Variants in ITPR1 observed in about 807,000 individuals in gnomAD.
ITPR1 encodes inositol 1,4,5-trisphosphate receptor type 1.
In ITPR1, 96 loss-of-function variants were observed where a neutral mutation model predicts 318.4. That is an observed-to-expected ratio of 0.30 (90% CI 0.26 to 0.36). ITPR1 has a LOEUF of 0.36. Among genes scored for constraint, ITPR1 ranks in the 10% least tolerant of loss-of-function variants. The pLI, the probability that ITPR1 is intolerant of heterozygous loss-of-function variation, is 1.00. For synonymous variants in ITPR1, 1,312 were observed against 1,289.9 expected, an observed-to-expected ratio of 1.02 and a Z score of -0.37; for missense variants, 2,440 against 3,460.2, an observed-to-expected ratio of 0.71 and a Z score of 7.40.
chr3:4,767,393 G>A (rs532759779), intron 45 of ITPR1, among the ~76,000 whole-genome samples: 10 of 152,370 alleles, frequency 6.6e-5, no homozygotes, highest in South Asian at 4.1e-4. Flanking sequence ...TCCCCTGGGC[G>A]GGGTTGGGGG....
intron 4 of ITPR1, among the ~76,000 whole-genome samples, chr3:4,576,506 C>T (rs1480141641): frequency 6.6e-6 from 1 of 152,074 alleles, no homozygotes; most frequent in East Asian, 1.9e-4. Flanking sequence ...TGGTGGAAGG[C>T]AAATGCTTGG....
intron 4 of ITPR1, among the ~76,000 whole-genome samples, chr3:4,626,840 A>T (rs1278639210): frequency 6.6e-6 from 1 of 152,168 alleles, no homozygotes; most frequent in Non-Finnish European, 1.5e-5. Context: ...TATTTTTGAG[A>T]CAGAATCTTG....
intron 29 of ITPR1, among the ~76,000 whole-genome samples, 157 bp from the exon 30 acceptor site, chr3:4,684,912 G>C (rs1343422087): frequency 6.6e-6 from 1 of 152,220 alleles, no homozygotes; most frequent in African/African-American, 2.4e-5. Context: ...GATTTGGCTT[G>C]ATGGAGTCAA....
chr3:4,735,675 T>C (rs2043216593), intron 44 of ITPR1: 1 of 292,478 alleles, frequency 3.4e-6, no homozygotes, highest in Non-Finnish European at 6.5e-6. Flanking sequence ...TTGCATGAAG[T>C]TTATTTACAG....
intron 2 of ITPR1, among the ~76,000 whole-genome samples, chr3:4,515,232 A>G (rs1057399763): frequency 2.0e-5 from 3 of 152,220 alleles, no homozygotes. Context: ...CTAAGGTGGT[A>G]GGTTGCTTCC....
intron 3 of ITPR1, 69 bp downstream of exon 3, chr3:4,516,652 AT>A: frequency 1.0e-6 from 1 of 957,312 alleles, no homozygotes; most frequent in African/African-American, 1.7e-5. Context: ...TAAAACTGTG[AT>A]TTTTCTAACA....
chr3:4,615,674 A>G (rs1216990321), intron 4 of ITPR1, among the ~76,000 whole-genome samples: 1 of 151,758 alleles, frequency 6.6e-6, no homozygotes. Context: ...ACTGAGCTTG[A>G]CCCCAACTGA....
intron 61 of ITPR1, among the ~76,000 whole-genome samples, chr3:4,843,068 T>C (rs2106554806): frequency 7.0e-6 from 1 of 142,726 alleles, no homozygotes; most frequent in African/African-American, 2.6e-5. Flanking sequence ...TTCAGGGTTT[T>C]GAGGGGTTTT....
chr3:4,793,225 C>T (rs753123853), intron 52 of ITPR1, among the ~76,000 whole-genome samples: 4 of 152,192 alleles, frequency 2.6e-5, no homozygotes, highest in Admixed American at 6.5e-5. Context: ...AACTATATGC[C>T]ATAGTTGAAG....
chr3:4,676,288 G>A (rs35826345), intron 23 of ITPR1, among the ~76,000 whole-genome samples: 27,183 of 151,830 alleles, frequency 0.18, 2,569 homozygotes, highest in South Asian at 0.35. Context: ...GAGGCCACAG[G>A]GAACCATCAT....
chr3:4,568,389 T>A (rs925943976), intron 4 of ITPR1, among the ~76,000 whole-genome samples: 1 of 152,248 alleles, frequency 6.6e-6, no homozygotes, highest in African/African-American at 2.4e-5. Context: ...ACACCTATTA[T>A]GTGCCAGATG....
chr3:4,782,500 A>G (rs1238357889), intron 49 of ITPR1, 119 bp from the exon 50 acceptor site: 11 of 1,007,828 alleles, frequency 1.1e-5, no homozygotes, highest in Non-Finnish European at 1.4e-5. Flanking sequence ...GCCCGATAGG[A>G]GAGAGTGCGG....
chr3:4,503,187 G>A (rs765477763), intron 2 of ITPR1, among the ~76,000 whole-genome samples: 1 of 152,142 alleles, frequency 6.6e-6, no homozygotes, highest in Non-Finnish European at 1.5e-5. Flanking sequence ...GTGTTGTTCA[G>A]TACAAATCTC....
Position 4,713,409 on chromosome 3 carries a change from C to T in ITPR1, c.5103+1541C>T, listed in dbSNP as rs192796219. Among the ~76,000 whole-genome samples, 259 of 152,278 alleles carry T rather than the reference C, an allele frequency of 1.7e-3. 2 individuals carry two copies. Among genetic ancestry groups the T allele is most frequent in the Non-Finnish European group, 3.3e-3 (222 of 68,018 alleles). On this transcript the variant is annotated intron_variant, in intron 39 of 61. Transcript: ENST00000649015. Reference sequence around the variant, plus strand: ...TCGGTGCCTCTATTCTAGTGACTTACAAGTTGTGATTATACATGCAGTTCC... The same window carrying T: ...TCGGTGCCTCTATTCTAGTGACTTATAAGTTGTGATTATACATGCAGTTCC...
chr3:4,717,478 C>T lies in ITPR1; in HGVS notation c.5136+79C>T, dbSNP rs1574991294. ...CACCTTCCCAGTTAGCCCTGTGATC[C>T]TTCCTCTAGTCTCACAGCGTCGAGT... is the stretch of plus-strand genomic sequence containing the variant. On this transcript the variant is annotated intron_variant, in intron 40 of 61. Coordinates refer to ENST00000649015, the MANE Select transcript of ITPR1 (RefSeq NM_001378452.1). The T allele has an allele frequency of 1.3e-5, 15 of 1,139,458 alleles. No individual in the cohort carries two copies. In the East Asian group the frequency reaches 3.5e-4, roughly 27 times the overall value. The allele number at this position is 1,139,458 out of a possible 1,614,324, so 70.6% of individuals were successfully genotyped here.
rs2094296095 is a variant in ITPR1, at chr3:4,681,418, G to A, written c.3161G>A (p.Ser1054Asn). The A allele has an allele frequency of 6.2e-7, 1 of 1,608,110 alleles. No homozygotes were observed. ...CAAGCAGAAGGCATCTTTGGAGGAA[G>A]GAAAGTATATTTTCAGTTACTGTTT... ...EEQAEGIFGG[S>N]EENTPLDLDD... Residue 1054 changes from serine to asparagine, a missense_variant and splice_region_variant, in exon 26 of 62, where the codon AGT (serine) becomes AAT (asparagine). By Grantham distance (46) the Ser-to-Asn change is conservative. Coordinates refer to ENST00000649015, the MANE Select transcript of ITPR1 (RefSeq NM_001378452.1).
At chr3:4,770,933 A>T (rs1212774116) in intron 46 of ITPR1, among the ~76,000 whole-genome samples, 1 of 152,076 alleles carries the variant, frequency 6.6e-6, no homozygotes, top group Non-Finnish European at 1.5e-5. Flanking sequence ...GGAGTGAGTG[A>T]CCCACAGAGG....
intron 52 of ITPR1, 108 bp from the exon 53 acceptor site, chr3:4,794,957 G>T: frequency 3.2e-6 from 4 of 1,255,118 alleles, no homozygotes; most frequent in South Asian, 3.8e-5. Flanking sequence ...TAAAAACCGG[G>T]AACAAAAGTG....
At chr3:4,753,356 G>A (rs370110888) in intron 44 of ITPR1, among the ~76,000 whole-genome samples, 36 of 152,074 alleles carry the variant, frequency 2.4e-4, no homozygotes, top group East Asian at 9.7e-4. Context: ...ATGCGCTGCC[G>A]CCGCCAAAGC....
Sources: gnomAD v4.1 joint callset for allele counts (sites outside exome capture counted in the v4.1 genomes callset) on GRCh38, gnomAD v4.1.1 for gene constraint, MANE v1.5 for transcripts, NCBI Gene and HGNC (gene_info 2026-07-23, HGNC 2026-07-21) for gene names.